Variants in DPYD observed in about 807,000 individuals in gnomAD.
DPYD encodes dihydropyrimidine dehydrogenase, also known as dihydropyrimidine dehydrogenase [NADP(+)].
DPYD carries 109 observed loss-of-function variants against 116.2 expected under a neutral mutation model. The observed-to-expected ratio is 0.94, with a 90% CI of 0.80 to 1.10. DPYD has a LOEUF of 1.10. DPYD is among the 50% of genes least tolerant of loss of function. The pLI is 0.00. For missense variants in DPYD, 1,302 were observed against 1,254.5 expected, an observed-to-expected ratio of 1.04 and a Z score of -0.57; for synonymous variants, 440 against 432.0, an observed-to-expected ratio of 1.02 and a Z score of -0.23.
At chr1:97,792,967 A>G (rs1667393091) in intron 3 of DPYD, among the ~76,000 whole-genome samples, 1 of 152,216 alleles carries the variant, frequency 6.6e-6, no homozygotes, top group Non-Finnish European at 1.5e-5. Flanking sequence ...CAGAAAAAGA[A>G]CATTATGTAA....
At chr1:97,666,385 T>C (rs867344994) in intron 8 of DPYD, among the ~76,000 whole-genome samples, 10 of 152,152 alleles carry the variant, frequency 6.6e-5, no homozygotes, top group South Asian at 2.1e-4. Context: ...TCTGGAACTC[T>C]TGGCCTCAGG....
chr1:97,406,230 C>T (rs944896564), intron 14 of DPYD, among the ~76,000 whole-genome samples: 2 of 151,168 alleles, frequency 1.3e-5, no homozygotes, highest in Non-Finnish European at 2.9e-5. Context: ...TAAGTCCTCC[C>T]ATCTCTTACA....
chr1:97,789,507 T>A (rs1667209420), intron 3 of DPYD, among the ~76,000 whole-genome samples: 1 of 152,226 alleles, frequency 6.6e-6, no homozygotes, highest in African/African-American at 2.4e-5. Flanking sequence ...TCTAGTAGTT[T>A]AAATTCTGGG....
At chr1:97,317,993 G>T (rs969885787) in intron 16 of DPYD, among the ~76,000 whole-genome samples, 4 of 151,446 alleles carry the variant, frequency 2.6e-5, no homozygotes, top group Non-Finnish European at 4.4e-5. Context: ...CTTCATAAGT[G>T]AAGGAGAAAT....
intron 10 of DPYD, among the ~76,000 whole-genome samples, chr1:97,584,914 C>T (rs954932694): frequency 2.1e-5 from 3 of 146,262 alleles, no homozygotes; most frequent in South Asian, 2.2e-4. Flanking sequence ...CAAACCTGCA[C>T]GTTGTGCACA....
At chr1:97,395,049 G>A (rs1672937018) in intron 14 of DPYD, among the ~76,000 whole-genome samples, 1 of 151,886 alleles carries the variant, frequency 6.6e-6, no homozygotes, top group Non-Finnish European at 1.5e-5. Context: ...TGTAGACATT[G>A]CCTTCTGGGA....
At chr1:97,684,195 A>G (rs557083893) in intron 7 of DPYD, among the ~76,000 whole-genome samples, 2 of 152,098 alleles carry the variant, frequency 1.3e-5, no homozygotes, top group African/African-American at 4.8e-5. Context: ...CCCTCTTAAC[A>G]CTGCTTTAGC....
chr1:97,780,707 T>C (rs370140258), intron 3 of DPYD, among the ~76,000 whole-genome samples: 4 of 152,108 alleles, frequency 2.6e-5, no homozygotes, highest in African/African-American at 9.7e-5. Context: ...TTCTTTTAAC[T>C]GAAAAGAAGC....
chr1:97,804,902 AT>A (rs1447988225), intron 3 of DPYD, among the ~76,000 whole-genome samples: 2 of 151,920 alleles, frequency 1.3e-5, no homozygotes, highest in Non-Finnish European at 2.9e-5. Flanking sequence ...AAATTATTTC[AT>A]TTACATATGA....
chr1:97,495,046 CAA>C (rs1679186723), intron 13 of DPYD, among the ~76,000 whole-genome samples: 1 of 152,090 alleles, frequency 6.6e-6, no homozygotes. Context: ...GATTGAATAA[CAA>C]AAACATCATG....
chr1:97,316,597 G>A (rs568806611), intron 16 of DPYD, among the ~76,000 whole-genome samples: 70 of 150,296 alleles, frequency 4.7e-4, no homozygotes, highest in African/African-American at 1.6e-3. Context: ...ACTTCTTCCA[G>A]GTGTGTTGGG....
chr1:97,411,950 A>T (rs1239230799), intron 14 of DPYD, among the ~76,000 whole-genome samples: 8 of 152,220 alleles, frequency 5.3e-5, no homozygotes, highest in African/African-American at 1.9e-4. Context: ...TCAAAAGGCA[A>T]TGTGATCTAA....
intron 12 of DPYD, among the ~76,000 whole-genome samples, chr1:97,528,470 A>G (rs2102014338): frequency 6.6e-6 from 1 of 152,164 alleles, no homozygotes; most frequent in Admixed American, 6.5e-5. Context: ...GCATATCTGG[A>G]CTCTGAAAAT....
At chr1:97,516,859 A>T (rs1391627183) in intron 12 of DPYD, among the ~76,000 whole-genome samples, 1 of 152,016 alleles carries the variant, frequency 6.6e-6, no homozygotes, top group African/African-American at 2.4e-5. Context: ...TATCTCCAAA[A>T]GACAAATAAC....
chr1:97,373,547 G>T lies in DPYD; in HGVS notation c.2058+14C>A. 6.2e-7 allele frequency: 1 copy of T among 1,612,328 alleles called. No homozygotes were observed. The highest frequency in any genetic ancestry group is 8.5e-7 in the Non-Finnish European group (1 of 1,178,602). ...CACACTGACATACTTAGTGGCAGCTGTCAAGGTCCTTACCTGCCCACAGGC... is the reference window on the plus strand; with the variant it reads ...CACACTGACATACTTAGTGGCAGCTTTCAAGGTCCTTACCTGCCCACAGGC... On this transcript the variant is annotated intron_variant, in intron 16 of 22. Transcript: ENST00000370192.
At chr1:97,434,369 C>T (rs1013823180) in intron 14 of DPYD, among the ~76,000 whole-genome samples, 4 of 152,038 alleles carry the variant, frequency 2.6e-5, no homozygotes, top group Non-Finnish European at 5.9e-5. Context: ...TATTTCTTTG[C>T]TTCATGTACA....
intron 3 of DPYD, chr1:97,797,943 G>A (rs1667657635): frequency 6.6e-6 from 1 of 151,970 alleles, no homozygotes; most frequent in South Asian, 2.1e-4. Flanking sequence ...TAACTAGAAA[G>A]TCTTTATTTG....
At chr1:97,448,155 T>C (rs1446226011) in intron 14 of DPYD, among the ~76,000 whole-genome samples, 1 of 152,082 alleles carries the variant, frequency 6.6e-6, no homozygotes, top group Non-Finnish European at 1.5e-5. Context: ...AGCTGGAGGC[T>C]GCAGCGAGCC....
At chr1:97,393,105 T>C (rs1672805295) in intron 14 of DPYD, among the ~76,000 whole-genome samples, 2 of 152,050 alleles carry the variant, frequency 1.3e-5, no homozygotes, top group Non-Finnish European at 2.9e-5. Flanking sequence ...AAACTCTTCC[T>C]TTGCATTCAC....
Sources: allele counts gnomAD v4.1 joint callset (sites outside exome capture counted in the v4.1 genomes callset), GRCh38; gene constraint gnomAD v4.1.1; transcripts MANE v1.5; gene names NCBI Gene and HGNC (gene_info 2026-07-23, HGNC 2026-07-21).